SLK: variants seen among roughly 807,000 people sequenced by gnomAD.
The protein encoded by SLK is STE20-like serine/threonine-protein kinase.
SLK carries 67 observed loss-of-function variants against 147.7 expected under a neutral mutation model. That is an observed-to-expected ratio of 0.45 (90% CI 0.37 to 0.56). The LOEUF is 0.56. SLK is among the 20% of genes least tolerant of loss of function. The probability of loss-of-function intolerance (pLI) is 0.00; values close to 1 mark genes in which losing one functional copy is unlikely to be tolerated. For missense variants in SLK, 1,136 were observed against 1,438.8 expected, an observed-to-expected ratio of 0.79 and a Z score of 3.41; for synonymous variants, 441 against 475.0, an observed-to-expected ratio of 0.93 and a Z score of 0.93.
chr10:104,018,347 A>G (rs933870382), intron 14 of SLK, 58 bp downstream of exon 14: 3 of 1,484,276 alleles, frequency 2.0e-6, no homozygotes, highest in Non-Finnish European at 2.8e-6. Flanking sequence ...TGACAGTAGA[A>G]GTGAATGTAA....
At chr10:104,024,106 G>T (rs1265682732) in intron 18 of SLK, among the ~76,000 whole-genome samples, 2 of 152,090 alleles carry the variant, frequency 1.3e-5, no homozygotes, top group Non-Finnish European at 2.9e-5. Context: ...TGACATCTAC[G>T]CTAGAAACCA....
chr10:103,992,141 G>GTTTTTTTT lies in SLK; in HGVS notation c.316-446_316-439dup, dbSNP rs56381345. On this transcript the variant is annotated intron_variant, in intron 2 of 18. Coordinates refer to ENST00000369755, the MANE Select transcript of SLK (RefSeq NM_014720.4). The stretch of plus-strand genomic sequence containing the variant: ...TGAAGCTTTTGTGGGTATTTCTTCT[G>GTTTTTTTT]TTTTTTTTTTTTTTTTTTCTAAAAG... Among the ~76,000 whole-genome samples the GTTTTTTTT allele has an allele frequency of 6.2e-3, 570 of 91,756 alleles. 90 individuals carry two copies. The highest frequency in any genetic ancestry group is 9.1e-3 in the African/African-American group (226 of 24,898). 60.2% of individuals were successfully genotyped at this position (91,756 alleles called of 152,430 possible). A position where few individuals can be genotyped will look rare whatever the true frequency, so the allele number is the denominator to read the frequency against.
At chr10:103,968,804 G>T (rs925721471) in intron 1 of SLK, among the ~76,000 whole-genome samples, 1 of 152,182 alleles carries the variant, frequency 6.6e-6, no homozygotes, top group Non-Finnish European at 1.5e-5. Context: ...ATCTTGTGAG[G>T]TAGGCAGGTC....
At chr10:104,019,100 T>G in intron 15 of SLK, 192 bp downstream of exon 15, 1 of 493,736 alleles carries the variant, frequency 2.0e-6, no homozygotes, top group African/African-American at 2.0e-5. Context: ...TTTCTACAAA[T>G]TATAAGGAAA....
At chr10:104,004,875 A>G (rs1489486166) in intron 9 of SLK, among the ~76,000 whole-genome samples, 6 of 152,160 alleles carry the variant, frequency 3.9e-5, no homozygotes, top group Non-Finnish European at 8.8e-5. Flanking sequence ...TAGTCTTAAT[A>G]AAGAATTTTA....
intron 6 of SLK, 47 bp from the exon 7 acceptor site, chr10:103,999,820 G>T (rs765278311): frequency 1.3e-6 from 1 of 797,926 alleles, no homozygotes; most frequent in Non-Finnish European, 2.1e-6. Flanking sequence ...TGTTTAATTT[G>T]ATTAACAAGA....
rs372263493 is a variant in SLK at position 104,003,381 on chromosome 10, A to G, written c.2203A>G (p.Ile735Val). 2.2e-5 allele frequency: 36 copies of G among 1,613,954 alleles called. No individual in the cohort carries two copies. Among genetic ancestry groups the G allele is most frequent in the Admixed American group, 1.2e-4 (7 of 59,998 alleles). ...EIGSLSKTET[I>V]LPPESENPKE... ...AGGTTCTTTATCAAAAACTGAAACTATTCTGCCACCAGAATCTGAGAATCC... is the reference window on the plus strand; with the variant it reads ...AGGTTCTTTATCAAAAACTGAAACTGTTCTGCCACCAGAATCTGAGAATCC... Residue 735 changes from isoleucine (I) to valine (V), a missense_variant, in exon 9 of 19, where the codon ATT (isoleucine) becomes GTT (valine). Coordinates refer to ENST00000369755, the MANE Select transcript of SLK (RefSeq NM_014720.4).
At chr10:103,986,939 G>A (rs1281005878) in intron 1 of SLK, among the ~76,000 whole-genome samples, 1 of 152,126 alleles carries the variant, frequency 6.6e-6, no homozygotes, top group Non-Finnish European at 1.5e-5. Context: ...GCCTCCCAAA[G>A]TGCTGGGATT....
intron 4 of SLK, among the ~76,000 whole-genome samples, chr10:103,994,459 G>A (rs980465629): frequency 2.0e-5 from 3 of 152,084 alleles, no homozygotes; most frequent in Non-Finnish European, 4.4e-5. Context: ...TATAAAACTT[G>A]GGTTTTTAAA....
chr10:104,011,446 CT>C (rs1564661519), intron 13 of SLK, among the ~76,000 whole-genome samples: 1 of 152,006 alleles, frequency 6.6e-6, no homozygotes, highest in African/African-American at 2.4e-5. Flanking sequence ...CCTTGTTTTT[CT>C]TTTTGGTTCA....
Position 104,018,823 on chromosome 10 carries a change from T to C in SLK, c.3047T>C (p.Leu1016Ser). ...ATTTGGGAGCTCGAAGAACGACACT[T>C]ACAAGAAAAACACCAGCTGCTCAAA... ...AAIWELEERHLQEKHQLLKQQ... is the reference protein window; with the variant it reads ...AAIWELEERHSQEKHQLLKQQ... Residue 1016 changes from leucine to serine, a missense_variant, in exon 15 of 19, where the codon TTA (leucine) becomes TCA (serine). By Grantham distance (145) the Leu-to-Ser change is moderately radical. Around this residue, in one of 6 missense-constraint regions of SLK, gnomAD observed 327 missense variants for 457.5 expected, o/e 0.71. Coordinates refer to ENST00000369755, the MANE Select transcript of SLK (RefSeq NM_014720.4). The C allele has an allele frequency of 6.2e-7, 1 of 1,613,304 alleles. No individual in the cohort carries two copies. The highest frequency in any genetic ancestry group is 8.5e-7 in the Non-Finnish European group (1 of 1,179,782).
chr10:103,969,368 T>G (rs531182505), intron 1 of SLK, among the ~76,000 whole-genome samples: 1 of 152,364 alleles, frequency 6.6e-6, no homozygotes, highest in Non-Finnish European at 1.5e-5. Flanking sequence ...GGCTAAAATA[T>G]CTACTCCTCT....
At position 103,999,009 on chromosome 10, in the gene SLK, T is replaced by C. The variant is rs917067997; in HGVS notation, c.587+38T>C. On this transcript the variant is annotated intron_variant, in intron 5 of 18. Coordinates refer to ENST00000369755, the MANE Select transcript of SLK (RefSeq NM_014720.4). ...TTTTATGAATTTATAGTATTAGTCATGTCAGCAGTTATAATTACTCATGAA... is the reference window on the plus strand; with the variant it reads ...TTTTATGAATTTATAGTATTAGTCACGTCAGCAGTTATAATTACTCATGAA... 3.2e-6 allele frequency: 5 copies of C among 1,544,046 alleles called. No individual in the cohort carries two copies. In the Admixed American group the frequency reaches 5.2e-5, roughly 16 times the overall value.
intron 1 of SLK, among the ~76,000 whole-genome samples, chr10:103,989,831 C>G (rs1288935569): frequency 2.0e-5 from 3 of 152,052 alleles, no homozygotes. Flanking sequence ...CAGTTGTACT[C>G]CTTGTTTATT....
At chr10:103,978,652 T>C (rs1251914715) in intron 1 of SLK, among the ~76,000 whole-genome samples, 1 of 152,218 alleles carries the variant, frequency 6.6e-6, no homozygotes, top group Non-Finnish European at 1.5e-5. Context: ...GACCAGGGCA[T>C]TTATTTTATA....
chr10:103,999,401 T>C lies in SLK; in HGVS notation c.782+88T>C. 5.0e-6 allele frequency: 5 copies of C among 1,004,518 alleles called. No homozygotes were observed. The South Asian group carries it at 8.7e-5, about 18-fold the overall frequency. 62.2% of individuals were successfully genotyped at this position (1,004,518 alleles called of 1,614,324 possible). ...TTATATTCTCACAATTTTCCAAGAG[T>C]ATTTAAAATTGGATACATGGTTCGA... On this transcript the variant is annotated intron_variant, in intron 6 of 18. Coordinates refer to ENST00000369755, the MANE Select transcript of SLK (RefSeq NM_014720.4).
rs143433289 is a variant in SLK at position 103,989,143 on chromosome 10, G to A, written c.151-1532G>A. ...CAAGACACATATTTGATAAAGGAAAGTTATCCAGAATATGCAAATAACTCC... is the reference window on the plus strand; with the variant it reads ...CAAGACACATATTTGATAAAGGAAAATTATCCAGAATATGCAAATAACTCC... On this transcript the variant is annotated intron_variant, in intron 1 of 18. Transcript: ENST00000369755. Among the ~76,000 whole-genome samples, 604 of 152,270 alleles carry A rather than the reference G, an allele frequency of 4.0e-3. 4 individuals are homozygous for A. Among genetic ancestry groups the A allele is most frequent in the African/African-American group, 0.013 (553 of 41,560 alleles).
At chr10:103,994,534 G>A (rs1409910328) in intron 4 of SLK, among the ~76,000 whole-genome samples, 3 of 152,074 alleles carry the variant, frequency 2.0e-5, no homozygotes, top group Non-Finnish European at 4.4e-5. Context: ...TGTGTAATGG[G>A]GGATGAGGGC....
In SLK at chr10:103,983,458, A is replaced by C. The variant is rs182504599; in HGVS notation, c.151-7217A>C. On this transcript the variant is annotated intron_variant, in intron 1 of 18. Transcript: ENST00000369755. ...AAGGATTATGCCAGTTCTTAATCTCAGTTCCAAATACGCCCTTCTATGCTT... is the reference window on the plus strand; with the variant it reads ...AAGGATTATGCCAGTTCTTAATCTCCGTTCCAAATACGCCCTTCTATGCTT... Among the ~76,000 whole-genome samples, 203 of 152,326 alleles carry C rather than the reference A, an allele frequency of 1.3e-3. 1 individual carries two copies. Among genetic ancestry groups the C allele is most frequent in the African/African-American group, 4.7e-3 (196 of 41,572 alleles).
Sources: allele counts gnomAD v4.1 joint callset (sites outside exome capture counted in the v4.1 genomes callset), GRCh38; gene constraint gnomAD v4.1.1; regional missense constraint gnomAD v4.1.1; transcripts MANE v1.5; gene names NCBI Gene and HGNC (gene_info 2026-07-23, HGNC 2026-07-21).